NRG1: variants seen among roughly 807,000 people sequenced by gnomAD.
The protein encoded by NRG1 is neuregulin 1.
A neutral mutation model predicts 63.8 loss-of-function variants in NRG1; 18 were observed. That is an observed-to-expected ratio of 0.28 (90% CI 0.19 to 0.42). The LOEUF is 0.42. Among genes scored for constraint, NRG1 ranks in the 10% least tolerant of loss-of-function variants. The pLI is 1.00. For missense variants in NRG1, 762 were observed against 814.7 expected (o/e 0.94, Z 0.79); for synonymous variants, 302 against 301.3 (o/e 1.00, Z -0.02).
intron 1 of NRG1, among the ~76,000 whole-genome samples, chr8:31,944,015 G>A (rs1300619332): frequency 1.3e-5 from 2 of 152,158 alleles, no homozygotes; most frequent in African/African-American, 4.8e-5. Context: ...CAGCTCCACA[G>A]GCTTTCTGGA....
chr8:32,725,001 G>C (rs572753007), intron 5 of NRG1, among the ~76,000 whole-genome samples: 1 of 152,176 alleles, frequency 6.6e-6, no homozygotes, highest in East Asian at 1.9e-4. Flanking sequence ...AAAGAGGGTT[G>C]TTTCTAGTTT....
At chr8:31,992,599 G>A (rs185370346) in intron 1 of NRG1, among the ~76,000 whole-genome samples, 25 of 152,022 alleles carry the variant, frequency 1.6e-4, no homozygotes, top group Non-Finnish European at 2.9e-4. Context: ...AAATTAATTC[G>A]ACTAGAAAGA....
chr8:31,850,996 A>G (rs1040928096), intron 1 of NRG1, among the ~76,000 whole-genome samples: 3 of 152,156 alleles, frequency 2.0e-5, no homozygotes, highest in African/African-American at 7.2e-5. Flanking sequence ...CCAGGGCACT[A>G]TACTAACTTT....
chr8:32,439,263 A>G (rs1819197719), intron 1 of NRG1, among the ~76,000 whole-genome samples: 2 of 152,226 alleles, frequency 1.3e-5, no homozygotes, highest in Admixed American at 6.5e-5. Flanking sequence ...CTTCAAATAA[A>G]CATTTGTTAA....
At chr8:31,692,667 G>T (rs763035380) in intron 1 of NRG1, among the ~76,000 whole-genome samples, 1 of 152,172 alleles carries the variant, frequency 6.6e-6, no homozygotes, top group Non-Finnish European at 1.5e-5. Flanking sequence ...ATGGATACAA[G>T]TTCTACAAAT....
chr8:32,393,289 G>A (rs914061357), intron 1 of NRG1, among the ~76,000 whole-genome samples: 2 of 152,092 alleles, frequency 1.3e-5, no homozygotes, highest in African/African-American at 4.8e-5. Flanking sequence ...GTCCCACTAG[G>A]AGAAAATTAT....
intron 5 of NRG1, among the ~76,000 whole-genome samples, chr8:32,649,388 G>A (rs1854485012): frequency 6.6e-6 from 1 of 151,998 alleles, no homozygotes; most frequent in African/African-American, 2.4e-5. Flanking sequence ...TTTTAAAAAT[G>A]TTTCTAGTTT....
intron 1 of NRG1, among the ~76,000 whole-genome samples, chr8:31,953,229 A>G (rs1398998276): frequency 1.3e-5 from 2 of 152,216 alleles, no homozygotes; most frequent in East Asian, 3.8e-4. Flanking sequence ...GATGTCTGCA[A>G]TTTATTTTGA....
At chr8:32,542,941 G>T (rs1365254559) in intron 1 of NRG1, among the ~76,000 whole-genome samples, 1 of 152,166 alleles carries the variant, frequency 6.6e-6, no homozygotes, top group Non-Finnish European at 1.5e-5. Flanking sequence ...ACAGGACTTG[G>T]GGATGGGTGG....
chr8:32,268,171 G>A (rs1851182069), intron 1 of NRG1, among the ~76,000 whole-genome samples: 1 of 152,278 alleles, frequency 6.6e-6, no homozygotes, highest in South Asian at 2.1e-4. Flanking sequence ...ATCTGAAGGA[G>A]CCTGAAAGCA....
intron 1 of NRG1, among the ~76,000 whole-genome samples, chr8:32,374,667 C>A (rs1276149640): frequency 4.6e-5 from 7 of 152,198 alleles, no homozygotes; most frequent in African/African-American, 1.7e-4. Context: ...ACTATATTTC[C>A]TCTGATTTCA....
chr8:31,845,877 A>G (rs1826640836), intron 1 of NRG1, among the ~76,000 whole-genome samples: 1 of 152,206 alleles, frequency 6.6e-6, no homozygotes, highest in African/African-American at 2.4e-5. Context: ...ACTTAAATTT[A>G]TGATCTGTTT....
chr8:31,840,349 CTTTTTTT>C (rs71992716), intron 1 of NRG1, among the ~76,000 whole-genome samples: 4 of 116,858 alleles, frequency 3.4e-5, no homozygotes, highest in Middle Eastern at 5.0e-3. Context: ...TATTCTCTGT[CTTTTTTT>C]TTTTTTTTTT....
chr8:32,254,835 C>A (rs1466008057), intron 1 of NRG1, among the ~76,000 whole-genome samples: 5 of 152,172 alleles, frequency 3.3e-5, no homozygotes, highest in Non-Finnish European at 7.4e-5. Context: ...TAAGAACTTG[C>A]TTTATGAATC....
At chr8:32,762,189 G>T (rs1181661490) in intron 11 of NRG1, among the ~76,000 whole-genome samples, 3 of 152,036 alleles carry the variant, frequency 2.0e-5, no homozygotes, top group African/African-American at 7.2e-5. Flanking sequence ...AGTAGGCAGG[G>T]TTTAAACTGT....
chr8:32,647,564 G>C, intron 5 of NRG1: 1 of 985,308 alleles, frequency 1.0e-6, no homozygotes, highest in Non-Finnish European at 1.2e-6. Flanking sequence ...TTCCCCCCTT[G>C]CATCTTTCTG....
intron 1 of NRG1, among the ~76,000 whole-genome samples, chr8:32,435,882 T>A (rs2129487085): frequency 6.6e-6 from 1 of 152,314 alleles, no homozygotes; most frequent in Middle Eastern, 3.4e-3. Flanking sequence ...TATATGCCAG[T>A]ACTTCTATAG....
intron 1 of NRG1, among the ~76,000 whole-genome samples, chr8:31,933,285 G>GT (rs201748443): frequency 2.0e-3 from 264 of 134,200 alleles, no homozygotes; most frequent in Middle Eastern, 3.7e-3. Flanking sequence ...TATTATCCTC[G>GT]TTTTTTTTTT....
At chr8:32,367,694 T>C (rs536638779) in intron 1 of NRG1, among the ~76,000 whole-genome samples, 1 of 152,250 alleles carries the variant, frequency 6.6e-6, no homozygotes, top group Admixed American at 6.5e-5. Context: ...ATGGTCCCAT[T>C]TGTCTAGTTT....
Sources: allele counts gnomAD v4.1 joint callset (sites outside exome capture counted in the v4.1 genomes callset), GRCh38; gene constraint gnomAD v4.1.1; transcripts MANE v1.5; gene names NCBI Gene and HGNC (gene_info 2026-07-23, HGNC 2026-07-21).